The following HDAC9 variants were observed in gnomAD, a reference collection of about 807,000 sequenced individuals.
HDAC9 encodes MEF-2 interacting transcription repressor (MITR) protein.
HDAC9 carries 41 observed loss-of-function variants against 139.4 expected under a neutral mutation model. The ratio of observed to expected loss-of-function variants is 0.29; its 90% CI spans 0.23 to 0.38. The LOEUF (loss-of-function observed/expected upper bound fraction) is 0.38. Among genes scored for constraint, HDAC9 ranks in the 10% least tolerant of loss-of-function variants. HDAC9 has a pLI of 1.00. For missense variants in HDAC9, 1,147 were observed against 1,297.0 expected (o/e 0.88, Z 1.78); for synonymous variants, 517 against 476.2 (o/e 1.09, Z -1.12).
intron 1 of HDAC9, among the ~76,000 whole-genome samples, chr7:18,108,618 T>TTC (rs980617191): frequency 1.3e-5 from 2 of 149,316 alleles, no homozygotes; most frequent in African/African-American, 4.9e-5. Context: ...CTCCTTTTTT[T>TTC]TTTTTTTTTT....
intron 1 of HDAC9, among the ~76,000 whole-genome samples, chr7:18,348,952 A>C (rs1782635954): frequency 6.6e-6 from 1 of 152,154 alleles, no homozygotes. Context: ...ACAGCATCTT[A>C]TAGGTATGAT....
intron 17 of HDAC9, among the ~76,000 whole-genome samples, chr7:18,802,810 C>T (rs1585063678): frequency 6.6e-6 from 1 of 151,474 alleles, no homozygotes; most frequent in African/African-American, 2.4e-5. Flanking sequence ...GCAAAAACAG[C>T]TTTTTTTCTT....
At chr7:18,265,833 T>C (rs568618231) in intron 2 of HDAC9, among the ~76,000 whole-genome samples, 5 of 152,298 alleles carry the variant, frequency 3.3e-5, no homozygotes, top group East Asian at 1.9e-4. Flanking sequence ...GTTGAGAATA[T>C]GTGGAAAATT....
chr7:18,185,173 G>C (rs537969606), intron 2 of HDAC9, among the ~76,000 whole-genome samples: 27 of 152,116 alleles, frequency 1.8e-4, no homozygotes, highest in African/African-American at 6.5e-4. Flanking sequence ...AGTGATCGAG[G>C]CAAAAAAAGT....
At chr7:18,850,416 G>A (rs192121182) in intron 21 of HDAC9, among the ~76,000 whole-genome samples, 2 of 152,278 alleles carry the variant, frequency 1.3e-5, no homozygotes, top group South Asian at 2.1e-4. Flanking sequence ...AAATGAAAGC[G>A]TAGGGGAGGA....
intron 1 of HDAC9, among the ~76,000 whole-genome samples, chr7:18,330,113 T>C (rs1037930491): frequency 2.6e-5 from 4 of 151,740 alleles, no homozygotes; most frequent in Middle Eastern, 3.2e-3. Flanking sequence ...GTTCTAGTTA[T>C]ACTTATCAAT....
At chr7:18,820,758 A>G (rs1794904717) in intron 17 of HDAC9, among the ~76,000 whole-genome samples, 1 of 152,132 alleles carries the variant, frequency 6.6e-6, no homozygotes, top group African/African-American at 2.4e-5. Context: ...TGTTTTGGGG[A>G]GTGGGGAGGA....
chr7:18,499,239 A>T (rs368169020), intron 2 of HDAC9, among the ~76,000 whole-genome samples: 1 of 152,110 alleles, frequency 6.6e-6, no homozygotes, highest in South Asian at 2.1e-4. Flanking sequence ...TAGCAATTGC[A>T]TTAGAGTTCC....
chr7:18,762,068 T>C, intron 14 of HDAC9, 89 bp from the exon 15 acceptor site: 1 of 1,366,770 alleles, frequency 7.3e-7, no homozygotes, highest in Non-Finnish European at 1.0e-6. Flanking sequence ...ATTCAGCCCA[T>C]TATTAATCAT....
intron 2 of HDAC9, among the ~76,000 whole-genome samples, chr7:18,523,193 C>T (rs1010784154): frequency 6.6e-6 from 1 of 152,166 alleles, no homozygotes; most frequent in Non-Finnish European, 1.5e-5. Context: ...CCATGCAAAG[C>T]TAGTGACTTT....
chr7:18,689,511 A>T (rs544013081), intron 12 of HDAC9, among the ~76,000 whole-genome samples: 12 of 152,154 alleles, frequency 7.9e-5, no homozygotes, highest in Non-Finnish European at 1.6e-4. Context: ...TTAGGAATAT[A>T]TTAAAAGTTC....
chr7:18,110,794 G>T (rs142949282), intron 1 of HDAC9, among the ~76,000 whole-genome samples: 1 of 152,120 alleles, frequency 6.6e-6, no homozygotes, highest in African/African-American at 2.4e-5. Context: ...TCCAGCCAAC[G>T]GGGAGTCTAA....
chr7:18,226,887 A>C (rs2128180174), intron 2 of HDAC9, among the ~76,000 whole-genome samples: 1 of 152,338 alleles, frequency 6.6e-6, no homozygotes, highest in East Asian at 1.9e-4. Context: ...AAACATTTGA[A>C]GGGTTTCAAA....
chr7:18,952,339 C>A (rs1030473788), intron 23 of HDAC9, among the ~76,000 whole-genome samples: 1 of 151,810 alleles, frequency 6.6e-6, no homozygotes, highest in Admixed American at 6.6e-5. Context: ...GTGCAAGAGA[C>A]CAGAAGTTAG....
intron 2 of HDAC9, among the ~76,000 whole-genome samples, chr7:18,247,880 A>G (rs1794657934): frequency 6.6e-6 from 1 of 152,224 alleles, no homozygotes; most frequent in South Asian, 2.1e-4. Context: ...TTTACAAAAT[A>G]AAACACTTTT....
At chr7:18,286,393 T>C (rs1797454942), upstream of HDAC9, among the ~76,000 whole-genome samples, 1 of 149,028 alleles carries the variant, frequency 6.7e-6, no homozygotes, top group Non-Finnish European at 1.5e-5. Flanking sequence ...TAGTAATATG[T>C]ATTTATATAA....
chr7:18,300,519 G>T (rs1414626824), intron 1 of HDAC9, among the ~76,000 whole-genome samples: 2 of 149,608 alleles, frequency 1.3e-5, no homozygotes, highest in Non-Finnish European at 3.0e-5. Context: ...CTGCATATAA[G>T]TAAAAAAAAA....
At chr7:18,614,966 A>G (rs1389923696) in intron 6 of HDAC9, among the ~76,000 whole-genome samples, 1 of 152,114 alleles carries the variant, frequency 6.6e-6, no homozygotes, top group Admixed American at 6.6e-5. Flanking sequence ...GGAGAATGAT[A>G]CCTCCCTGTT....
At chr7:18,686,172 G>C (rs531857276) in intron 12 of HDAC9, among the ~76,000 whole-genome samples, 1 of 152,014 alleles carries the variant, frequency 6.6e-6, no homozygotes, top group African/African-American at 2.4e-5. Flanking sequence ...ACTCAGGTCT[G>C]ACTCATAAAC....
Sources: allele counts gnomAD v4.1 joint callset (sites outside exome capture counted in the v4.1 genomes callset), GRCh38; gene constraint gnomAD v4.1.1; transcripts MANE v1.5; gene names NCBI Gene and HGNC (gene_info 2026-07-23, HGNC 2026-07-21).